ST8SIA4: variants seen among roughly 807,000 people sequenced by gnomAD.
The protein encoded by ST8SIA4 is ST8 alpha-N-acetyl-neuraminide alpha-2,8-sialyltransferase 4.
Under a neutral mutation model 33.9 loss-of-function variants are expected in ST8SIA4, and 15 were observed. The ratio of observed to expected loss-of-function variants is 0.44; its 90% CI spans 0.30 to 0.68. The LOEUF (loss-of-function observed/expected upper bound fraction) is 0.68, where lower values mean the gene tolerates loss of function less well. Ranked by LOEUF, ST8SIA4 falls within the 30% of genes least tolerant of loss-of-function variation. The pLI, the probability that ST8SIA4 is intolerant of heterozygous loss-of-function variation, is 0.10. For synonymous variants in ST8SIA4, 171 were observed against 151.2 expected, an observed-to-expected ratio of 1.13 and a Z score of -0.96; for missense variants, 321 against 428.0, an observed-to-expected ratio of 0.75 and a Z score of 2.21.
chr5:100,854,442 G>T (rs1751769012), intron 4 of ST8SIA4, among the ~76,000 whole-genome samples: 2 of 151,998 alleles, frequency 1.3e-5, no homozygotes, highest in South Asian at 4.2e-4. Context: ...AATTAGCCAG[G>T]TGTGGTGGCG....
chr5:100,820,889 G>T (rs1358736751), intron 4 of ST8SIA4, among the ~76,000 whole-genome samples: 1 of 152,208 alleles, frequency 6.6e-6, no homozygotes, highest in East Asian at 1.9e-4. Flanking sequence ...CAAATTGGAG[G>T]TAGAGTAAAA....
chr5:100,883,719 T>G (rs371817094), intron 3 of ST8SIA4, among the ~76,000 whole-genome samples: 7 of 152,324 alleles, frequency 4.6e-5, no homozygotes, highest in African/African-American at 1.7e-4. Flanking sequence ...TGAATAAGTC[T>G]TACGAGATCT....
chr5:100,811,826 T>C lies in ST8SIA4; in HGVS notation c.*21A>G, dbSNP rs1750822269. Reference sequence around the variant, plus strand: ...AGCATCTTCAGAAAAGAAGTGCATATTGTTTGTTTCAAAATGTGCTTTATT... The same window carrying C: ...AGCATCTTCAGAAAAGAAGTGCATACTGTTTGTTTCAAAATGTGCTTTATT... On this transcript the variant is annotated 3_prime_UTR_variant, in exon 5 of 5. Transcript: ENST00000231461. 2 of 1,584,118 alleles carry C rather than the reference T, an allele frequency of 1.3e-6. No homozygotes were observed. Among genetic ancestry groups the C allele is most frequent in the Non-Finnish European group, 1.7e-6 (2 of 1,165,532 alleles).
chr5:100,871,529 A>G (rs1181518815), intron 3 of ST8SIA4, among the ~76,000 whole-genome samples: 6 of 152,060 alleles, frequency 3.9e-5, no homozygotes, highest in African/African-American at 1.4e-4. Context: ...GTAACATATT[A>G]TTCAGTGTCA....
chr5:100,839,457 A>C (rs1353057247), intron 4 of ST8SIA4, among the ~76,000 whole-genome samples: 1 of 152,134 alleles, frequency 6.6e-6, no homozygotes, highest in East Asian at 1.9e-4. Flanking sequence ...TTAAATTGAA[A>C]AAATAACCAT....
At chr5:100,884,000 A>G (rs537447216) in intron 3 of ST8SIA4, among the ~76,000 whole-genome samples, 1 of 152,332 alleles carries the variant, frequency 6.6e-6, no homozygotes, top group South Asian at 2.1e-4. Context: ...AGAAACTAAG[A>G]ATAGACATTC....
chr5:100,891,916 G>A (rs1462548297), intron 2 of ST8SIA4, among the ~76,000 whole-genome samples: 1 of 151,928 alleles, frequency 6.6e-6, no homozygotes, highest in African/African-American at 2.4e-5. Flanking sequence ...GTATGTAGAA[G>A]TTTTTGTAAA....
At chr5:100,896,323 T>C (rs1752778986) in intron 1 of ST8SIA4, among the ~76,000 whole-genome samples, 1 of 152,082 alleles carries the variant, frequency 6.6e-6, no homozygotes, top group South Asian at 2.1e-4. Flanking sequence ...TAGAGGACCT[T>C]AAGGTAAGTG....
chr5:100,856,765 T>C (rs184519725), intron 3 of ST8SIA4, among the ~76,000 whole-genome samples: 3 of 152,330 alleles, frequency 2.0e-5, no homozygotes, highest in South Asian at 4.1e-4. Context: ...TTAAACCACA[T>C]GCTGCTCTAC....
intron 1 of ST8SIA4, among the ~76,000 whole-genome samples, chr5:100,896,130 C>T (rs1041620585): frequency 2.0e-5 from 3 of 152,014 alleles, no homozygotes; most frequent in African/African-American, 4.8e-5. Context: ...ATCAGGATGT[C>T]AAAGAGATGC....
chr5:100,853,472 A>G (rs903643183), intron 4 of ST8SIA4, among the ~76,000 whole-genome samples: 2 of 152,216 alleles, frequency 1.3e-5, no homozygotes, highest in Non-Finnish European at 2.9e-5. Context: ...TGGAGAGAGA[A>G]GTTATTTCTA....
intron 4 of ST8SIA4, among the ~76,000 whole-genome samples, chr5:100,819,918 T>C (rs1477932072): frequency 6.6e-6 from 1 of 152,212 alleles, no homozygotes; most frequent in Non-Finnish European, 1.5e-5. Context: ...CAGTAGGTAC[T>C]TAATGCATGC....
rs889802675 is a variant in ST8SIA4, at chr5:100,903,036, C to T, written c.-81G>A. 9.0e-6 allele frequency: 9 copies of T among 994,924 alleles called. No homozygotes were observed. Among genetic ancestry groups the T allele is most frequent in the Admixed American group, 2.0e-5 (1 of 51,006 alleles). The allele number at this position is 994,924 out of a possible 1,614,324, so 61.6% of individuals were successfully genotyped here. ...AAAGGCTCCGTTTTGGGGAGATAGT[C>T]GCGGGGGTGAAATCTGTAAAATGCG... is the stretch of plus-strand genomic sequence containing the variant. On this transcript the variant is annotated 5_prime_UTR_variant, in exon 1 of 5. Transcript: ENST00000231461.
chr5:100,860,012 T>A (rs954489295), intron 3 of ST8SIA4, among the ~76,000 whole-genome samples: 4 of 152,172 alleles, frequency 2.6e-5, no homozygotes, highest in South Asian at 2.1e-4. Context: ...CTACATTTTT[T>A]AATTCTACAA....
chr5:100,819,563 A>G (rs1002191498), intron 4 of ST8SIA4, among the ~76,000 whole-genome samples: 1 of 152,230 alleles, frequency 6.6e-6, no homozygotes, highest in East Asian at 1.9e-4. Context: ...AGATGGTGCA[A>G]TGAGATCTTG....
At position 100,856,146 on chromosome 5, in the gene ST8SIA4, G is replaced by C. The variant is rs1417489878; in HGVS notation, c.754C>G (p.Arg252Gly). Residue 252 changes from arginine (R) to glycine (G), a missense_variant, in exon 4 of 5, where the codon CGA (arginine) becomes GGA (glycine). Transcript: ENST00000231461. ...ALILKNKLKV[R>G]TAYPSLRLIH... ...AGTCTCAATGACGGATAGGCAGTTC[G>C]CACTTTCAGTTTATTCTTAAGGATT... 1 of 1,613,982 alleles carries C rather than the reference G, an allele frequency of 6.2e-7. No individual in the cohort carries two copies. The highest frequency in any genetic ancestry group is 8.5e-7 in the Non-Finnish European group (1 of 1,179,926).
At chr5:100,836,066 A>G (rs1326862372) in intron 4 of ST8SIA4, among the ~76,000 whole-genome samples, 1 of 152,106 alleles carries the variant, frequency 6.6e-6, no homozygotes, top group Admixed American at 6.6e-5. Flanking sequence ...AAAGAGAGAA[A>G]TACCTTGAGA....
intron 4 of ST8SIA4, among the ~76,000 whole-genome samples, chr5:100,821,772 C>T (rs1047901632): frequency 6.6e-6 from 1 of 152,174 alleles, no homozygotes; most frequent in African/African-American, 2.4e-5. Context: ...TTCCTAAAAG[C>T]ATTCCCAGCA....
intron 4 of ST8SIA4, among the ~76,000 whole-genome samples, chr5:100,836,696 T>A (rs1345287480): frequency 6.6e-6 from 1 of 152,060 alleles, no homozygotes; most frequent in Non-Finnish European, 1.5e-5. Flanking sequence ...AATAATTTTT[T>A]TTAAAGAAAA....
Sources: gnomAD v4.1 joint callset for allele counts (sites outside exome capture counted in the v4.1 genomes callset) on GRCh38, gnomAD v4.1.1 for gene constraint, MANE v1.5 for transcripts, NCBI Gene and HGNC (gene_info 2026-07-23, HGNC 2026-07-21) for gene names.